Variants in ANO3 observed in about 807,000 individuals in gnomAD.
ANO3 encodes anoctamin 3, also known as anoctamin-3.
Under a neutral mutation model 144.8 loss-of-function variants are expected in ANO3, and 99 were observed. The ratio of observed to expected loss-of-function variants is 0.68; its 90% CI spans 0.58 to 0.81. The LOEUF is 0.81. ANO3 is among the 30% of genes least tolerant of loss of function. The pLI is 0.00. For synonymous variants in ANO3, 414 were observed against 392.6 expected, an observed-to-expected ratio of 1.05 and a Z score of -0.64; for missense variants, 905 against 1,202.2, an observed-to-expected ratio of 0.75 and a Z score of 3.66.
At chr11:26,226,624 T>C (rs1379139169) in intron 1 of ANO3, among the ~76,000 whole-genome samples, 3 of 152,194 alleles carry the variant, frequency 2.0e-5, no homozygotes, top group African/African-American at 7.2e-5. Context: ...ATTTTCCTTG[T>C]TGCTACCATC....
chr11:26,625,781 C>A (rs1049130202), intron 18 of ANO3, among the ~76,000 whole-genome samples: 5 of 152,174 alleles, frequency 3.3e-5, no homozygotes, highest in African/African-American at 9.7e-5. Context: ...CTGTAGCCAA[C>A]TGCATCTAGA....
chr11:26,282,964 C>T (rs1853712667), intron 1 of ANO3, among the ~76,000 whole-genome samples: 1 of 152,012 alleles, frequency 6.6e-6, no homozygotes, highest in African/African-American at 2.4e-5. Context: ...ATTTTTCTTA[C>T]ATTTAGACTA....
chr11:26,384,429 A>G (rs1856669847), intron 1 of ANO3, among the ~76,000 whole-genome samples: 1 of 152,184 alleles, frequency 6.6e-6, no homozygotes, highest in Admixed American at 6.5e-5. Context: ...CTCCGAGATG[A>G]GCTCAAAAAT....
intron 18 of ANO3, among the ~76,000 whole-genome samples, chr11:26,632,637 AC>A (rs1852824595): frequency 1.3e-5 from 2 of 150,848 alleles, no homozygotes; most frequent in Non-Finnish European, 3.0e-5. Context: ...ACACACACAC[AC>A]ACAAACCATA....
At chr11:26,618,391 C>T (rs1304591802) in intron 17 of ANO3, among the ~76,000 whole-genome samples, 1 of 152,048 alleles carries the variant, frequency 6.6e-6, no homozygotes, top group African/African-American at 2.4e-5. Flanking sequence ...ACCATCCTTG[C>T]TTCTCCTTCC....
intron 1 of ANO3, among the ~76,000 whole-genome samples, chr11:26,262,169 C>G (rs1028659777): frequency 2.0e-5 from 3 of 152,206 alleles, no homozygotes; most frequent in Non-Finnish European, 1.5e-5. Flanking sequence ...AGAACATTAT[C>G]TAAAACTACA....
At chr11:26,269,113 C>T (rs984524468) in intron 1 of ANO3, among the ~76,000 whole-genome samples, 21 of 152,154 alleles carry the variant, frequency 1.4e-4, no homozygotes, top group Admixed American at 1.1e-3. Flanking sequence ...CACCAGGAAA[C>T]GGCTCTCCAC....
chr11:26,397,604 G>A (rs1857048644), intron 1 of ANO3, among the ~76,000 whole-genome samples: 1 of 151,982 alleles, frequency 6.6e-6, no homozygotes, highest in South Asian at 2.1e-4. Context: ...TTATTAGGGT[G>A]CACAATGATG....
chr11:26,551,370 T>G (rs1197458069), intron 12 of ANO3, among the ~76,000 whole-genome samples: 1 of 85,302 alleles, frequency 1.2e-5, no homozygotes, highest in Admixed American at 1.3e-4. Flanking sequence ...ACACTCATGA[T>G]GGGAACTCTC....
intron 1 of ANO3, among the ~76,000 whole-genome samples, chr11:26,422,182 G>A (rs1309976502): frequency 6.6e-6 from 1 of 152,040 alleles, no homozygotes; most frequent in Non-Finnish European, 1.5e-5. Context: ...TTTTCTTGAT[G>A]AGAAATTTTA....
At chr11:26,498,176 A>C (rs1292163114) in intron 4 of ANO3, among the ~76,000 whole-genome samples, 1 of 152,000 alleles carries the variant, frequency 6.6e-6, no homozygotes, top group East Asian at 1.9e-4. Context: ...TCATATTTTA[A>C]TTTTGTAAAT....
At chr11:26,476,903 A>T (rs200346231) in intron 4 of ANO3, among the ~76,000 whole-genome samples, 1 of 141,528 alleles carries the variant, frequency 7.1e-6, no homozygotes, top group Non-Finnish European at 1.5e-5. Flanking sequence ...GTGTGTGTGT[A>T]TGTGTGTGTG....
At chr11:26,647,107 A>C (rs1347758470) in intron 23 of ANO3, among the ~76,000 whole-genome samples, 1 of 152,166 alleles carries the variant, frequency 6.6e-6, no homozygotes, top group Non-Finnish European at 1.5e-5. Flanking sequence ...TGAAAACATT[A>C]GTTTTGACTA....
intron 14 of ANO3, among the ~76,000 whole-genome samples, chr11:26,587,063 A>G (rs1251651070): frequency 6.6e-6 from 1 of 152,164 alleles, no homozygotes; most frequent in Non-Finnish European, 1.5e-5. Flanking sequence ...TCTGCTATCA[A>G]GGATGAGATT....
chr11:26,408,040 G>T (rs958808805), intron 1 of ANO3, among the ~76,000 whole-genome samples: 3 of 151,852 alleles, frequency 2.0e-5, no homozygotes, highest in Non-Finnish European at 4.4e-5. Context: ...AACCTAGGCA[G>T]TACCATTCAG....
chr11:26,355,677 A>C (rs968030446), intron 1 of ANO3, among the ~76,000 whole-genome samples: 6 of 151,584 alleles, frequency 4.0e-5, no homozygotes, highest in Non-Finnish European at 5.9e-5. Flanking sequence ...CTTCTGCCTC[A>C]GCCTCCCGAG....
intron 24 of ANO3, among the ~76,000 whole-genome samples, chr11:26,650,227 G>A (rs1294787928): frequency 8.9e-6 from 1 of 112,608 alleles, no homozygotes; most frequent in Non-Finnish European, 2.1e-5. Context: ...TTCGGAGCAA[G>A]GTGGCGGAAG....
chr11:26,322,759 A>T (rs1466893924), intron 1 of ANO3, among the ~76,000 whole-genome samples: 1 of 152,048 alleles, frequency 6.6e-6, no homozygotes, highest in Non-Finnish European at 1.5e-5. Context: ...TCTCTACTGT[A>T]AAGGTAGTGT....
intron 1 of ANO3, among the ~76,000 whole-genome samples, chr11:26,316,660 G>A (rs11029515): frequency 0.062 from 9,469 of 152,174 alleles, 553 homozygotes; most frequent in African/African-American, 0.15. Context: ...CCGTGGCAAG[G>A]TAAGTGTGTT....
Sources: gnomAD v4.1 joint callset for allele counts (sites outside exome capture counted in the v4.1 genomes callset) on GRCh38, gnomAD v4.1.1 for gene constraint, MANE v1.5 for transcripts, NCBI Gene and HGNC (gene_info 2026-07-23, HGNC 2026-07-21) for gene names.